Variants in CASP9 observed in about 807,000 individuals in gnomAD.
CASP9 encodes caspase 9.
A neutral mutation model predicts 43.5 loss-of-function variants in CASP9; 29 were observed. The ratio of observed to expected loss-of-function variants is 0.67; its 90% CI spans 0.50 to 0.91. The LOEUF is 0.91. Among genes scored for constraint, CASP9 ranks in the 40% least tolerant of loss-of-function variants. The probability of loss-of-function intolerance (pLI) is 0.00; values close to 1 mark genes in which losing one functional copy is unlikely to be tolerated. For missense variants in CASP9, 575 were observed against 537.4 expected, an observed-to-expected ratio of 1.07 and a Z score of -0.69; for synonymous variants, 206 against 211.9, an observed-to-expected ratio of 0.97 and a Z score of 0.24.
At position 15,506,129 on chromosome 1, in the gene CASP9, C is replaced by T. The variant is rs780577041; in HGVS notation, c.631-50G>A. ...CCAGAAGCACGGATAGGTCTAGATG[C>T]AGACTGGACCGTTCCTAACAATAAA... On this transcript the variant is annotated intron_variant, in intron 4 of 8. Coordinates refer to ENST00000333868, the MANE Select transcript of CASP9 (RefSeq NM_001229.5). The T allele has an allele frequency of 8.2e-6, 10 of 1,214,934 alleles. No homozygotes were observed. In the African/African-American group the frequency reaches 1.5e-4, roughly 18 times the overall value. 75.3% of individuals were successfully genotyped at this position (1,214,934 alleles called of 1,614,324 possible). A position where few individuals can be genotyped will look rare whatever the true frequency, so the allele number is the denominator to read the frequency against.
At chr1:15,501,017 G>A (rs1017904742) in intron 6 of CASP9, among the ~76,000 whole-genome samples, 9 of 152,180 alleles carry the variant, frequency 5.9e-5, no homozygotes, top group African/African-American at 1.4e-4. Context: ...CTTGGTTCTT[G>A]GAGAGCCTCG....
intron 6 of CASP9, among the ~76,000 whole-genome samples, chr1:15,496,731 T>C (rs142028438): frequency 1.3e-5 from 2 of 152,318 alleles, no homozygotes; most frequent in African/African-American, 4.8e-5. Flanking sequence ...CTACAAAACA[T>C]TGCTGAAAGA....
chr1:15,494,120 C>T, intron 7 of CASP9, 119 bp from the exon 8 acceptor site: 1 of 1,233,972 alleles, frequency 8.1e-7, no homozygotes, highest in Non-Finnish European at 1.1e-6. Flanking sequence ...ATACATACAT[C>T]CAACAGGAGC....
intron 8 of CASP9, 115 bp downstream of exon 8, chr1:15,493,777 C>G (rs1418383072): frequency 2.0e-6 from 3 of 1,535,812 alleles, no homozygotes; most frequent in Non-Finnish European, 1.7e-6. Flanking sequence ...CAGGAGTCTA[C>G]TACCTTTTAC....
At chr1:15,515,666 T>G in intron 2 of CASP9, among the ~76,000 whole-genome samples, 1 of 152,200 alleles carries the variant, frequency 6.6e-6, no homozygotes, top group Non-Finnish European at 1.5e-5. Flanking sequence ...AAAACAGCAC[T>G]TTTTACCCAT....
chr1:15,494,789 G>C (rs1709037536), intron 7 of CASP9, among the ~76,000 whole-genome samples: 1 of 145,044 alleles, frequency 6.9e-6, no homozygotes, highest in African/African-American at 2.6e-5. Context: ...TGTGAACCCG[G>C]GATGCAGAGC....
chr1:15,524,716 C>T (rs1318583553), upstream of CASP9: 5 of 1,050,364 alleles, frequency 4.8e-6, no homozygotes, highest in Non-Finnish European at 5.7e-6. Context: ...GCCCTGTCCC[C>T]AGGGTCAATT....
intron 8 of CASP9, chr1:15,493,645 T>C (rs943973789): frequency 6.9e-7 from 1 of 1,442,938 alleles, no homozygotes; most frequent in African/African-American, 1.4e-5. Context: ...GAGCGGGAGG[T>C]GTCAACCTGG....
At chr1:15,524,570 T>TCCCCGCACTGACCTCACG, upstream of CASP9, 1 of 584,004 alleles carries the variant, frequency 1.7e-6, no homozygotes, top group Non-Finnish European at 2.0e-6. Flanking sequence ...CCGCCCCGTA[T>TCCCCGCACTGACCTCACG]CCCCGCACTG....
At chr1:15,521,928 G>T (rs538865544) in intron 1 of CASP9, among the ~76,000 whole-genome samples, 1 of 152,088 alleles carries the variant, frequency 6.6e-6, no homozygotes, top group East Asian at 1.9e-4. Context: ...AACGACATGT[G>T]GCTAATGGCT....
chr1:15,524,001 C>T, intron 1 of CASP9, 68 bp downstream of exon 1: 1 of 1,217,980 alleles, frequency 8.2e-7, no homozygotes, highest in Non-Finnish European at 1.1e-6. Flanking sequence ...TAGGCTCCCG[C>T]ACAACGCCTC....
chr1:15,504,582 A>C (rs1216874490), intron 6 of CASP9, 29 bp downstream of exon 6: 1 of 1,597,042 alleles, frequency 6.3e-7, no homozygotes, highest in African/African-American at 1.3e-5. Flanking sequence ...CACCAGACCC[A>C]CCCAGAGGGA....
chr1:15,504,692 T>C lies in CASP9; in HGVS notation c.787A>G (p.Ile263Val). ...CTGGTCCCATTGAAGATGTTCACAA[T>C]CTTCTCGACCGACACAGGGCATCCA... ...TDGCPVSVEK[I>V]VNIFNGTSCP... is the part of the protein sequence containing the mutation. Residue 263 changes from isoleucine (I) to valine (V), a missense_variant, in exon 6 of 9, where the codon ATT becomes GTT. Ile to Val is a conservative substitution (Grantham distance 29). Transcript: ENST00000333868. 6.2e-7 allele frequency: 1 copy of C among 1,614,174 alleles called. No homozygotes were observed. Among genetic ancestry groups the C allele is most frequent in the Non-Finnish European group, 8.5e-7 (1 of 1,180,028 alleles).
intron 6 of CASP9, among the ~76,000 whole-genome samples, chr1:15,499,471 G>T (rs1011390094): frequency 1.3e-5 from 2 of 152,120 alleles, no homozygotes; most frequent in Non-Finnish European, 2.9e-5. Context: ...TAGAATCAAA[G>T]AAGCCATCAG....
intron 1 of CASP9, among the ~76,000 whole-genome samples, chr1:15,523,111 G>T (rs541673537): frequency 6.6e-6 from 1 of 152,252 alleles, no homozygotes; most frequent in East Asian, 1.9e-4. Context: ...GACAAAGATG[G>T]GAAAGTGCTT....
chr1:15,521,714 A>G (rs937883081), intron 1 of CASP9, among the ~76,000 whole-genome samples: 3 of 152,004 alleles, frequency 2.0e-5, no homozygotes, highest in Non-Finnish European at 2.9e-5. Context: ...GCAGCCAGGC[A>G]TTCGGGGCCA....
At chr1:15,504,844 G>T in intron 5 of CASP9, 86 bp from the exon 6 acceptor site, 3 of 1,383,128 alleles carry the variant, frequency 2.2e-6, no homozygotes, top group East Asian at 2.3e-5. Flanking sequence ...GGGAGCCAAG[G>T]ATTTGGAAGG....
At position 15,495,277 on chromosome 1, in the gene CASP9, G is replaced by A; in HGVS notation, c.1044C>T (p.Phe348=). 1 of 1,610,344 alleles carries A rather than the reference G, an allele frequency of 6.2e-7. No homozygotes were observed. Among genetic ancestry groups the A allele is most frequent in the Non-Finnish European group, 8.5e-7 (1 of 1,178,548 alleles). The change falls in exon 7 of 9, where the codon TTC becomes TTT. Residue 348 remains phenylalanine (F), a synonymous_variant. Coordinates refer to ENST00000333868, the MANE Select transcript of CASP9 (RefSeq NM_001229.5). The part of the protein sequence containing the change: ...PSDIFVSYST[F]PGFVSWRDPK... ...GAGCCCTTCTGATGTGCTCACCTGGGAAAGTAGAGTAGGACACAAAGATGT... is the reference window on the plus strand; with the variant it reads ...GAGCCCTTCTGATGTGCTCACCTGGAAAAGTAGAGTAGGACACAAAGATGT...
Position 15,507,019 on chromosome 1 carries a change from G to A in CASP9, c.510C>T (p.Asn170=), listed in dbSNP as rs896270383. ...CGHCLIINNV[N]FCRESGLRTR... Reference sequence around the variant, plus strand: ...TGCGGAGCCCGGACTCACGGCAGAAGTTCACATTGTTGATAATGAGGCAGT... The same window carrying A: ...TGCGGAGCCCGGACTCACGGCAGAAATTCACATTGTTGATAATGAGGCAGT... The change falls in exon 4 of 9, where the codon AAC becomes AAT. Residue 170 remains asparagine (N), a synonymous_variant. Transcript: ENST00000333868. 6.2e-7 allele frequency: 1 copy of A among 1,614,212 alleles called. No individual in the cohort carries two copies. Among genetic ancestry groups the A allele is most frequent in the Non-Finnish European group, 8.5e-7 (1 of 1,180,026 alleles).
Sources: gnomAD v4.1 joint callset for allele counts (sites outside exome capture counted in the v4.1 genomes callset) on GRCh38, gnomAD v4.1.1 for gene constraint, MANE v1.5 for transcripts, NCBI Gene and HGNC (gene_info 2026-07-23, HGNC 2026-07-21) for gene names.